The following ERBB4 variants were observed in gnomAD, a reference collection of about 807,000 sequenced individuals.
ERBB4 encodes the protein erb-b2 receptor tyrosine kinase 4, also known as receptor tyrosine-protein kinase erbB-4.
In ERBB4, 42 loss-of-function variants were observed where a neutral mutation model predicts 158.0. That is an observed-to-expected ratio of 0.27 (90% CI 0.21 to 0.34). ERBB4 has a LOEUF of 0.34. ERBB4 is among the 10% of genes least tolerant of loss of function. The pLI, the probability that ERBB4 is intolerant of heterozygous loss-of-function variation, is 1.00. For missense variants in ERBB4, 1,333 were observed against 1,624.1 expected, an observed-to-expected ratio of 0.82 and a Z score of 3.08; for synonymous variants, 583 against 558.7, an observed-to-expected ratio of 1.04 and a Z score of -0.61.
intron 2 of ERBB4, among the ~76,000 whole-genome samples, chr2:211,953,465 C>CAAAAAAAAAAAAAA (rs36024345): frequency 9.4e-5 from 8 of 85,536 alleles, no homozygotes; most frequent in East Asian, 3.4e-4. Flanking sequence ...GGTTTTTCTC[C>CAAAAAAAAAAAAAA]AAAAAAAAAA....
At chr2:211,484,568 T>C (rs2065159780) in intron 20 of ERBB4, among the ~76,000 whole-genome samples, 1 of 152,150 alleles carries the variant, frequency 6.6e-6, no homozygotes, top group African/African-American at 2.4e-5. Context: ...TGCATTAATA[T>C]GAGACAGAGT....
chr2:212,491,025 C>T (rs1690248809), intron 1 of ERBB4, among the ~76,000 whole-genome samples: 1 of 151,652 alleles, frequency 6.6e-6, no homozygotes, highest in Non-Finnish European at 1.5e-5. Context: ...GCTGTTATTA[C>T]TATCTTTCTC....
intron 12 of ERBB4, among the ~76,000 whole-genome samples, chr2:211,680,471 CA>C (rs1452196193): frequency 6.6e-6 from 1 of 152,004 alleles, no homozygotes; most frequent in Non-Finnish European, 1.5e-5. Context: ...CATTAGTTAC[CA>C]ACTTTACTTA....
chr2:212,531,893 T>A (rs1357265749), intron 1 of ERBB4, among the ~76,000 whole-genome samples: 1 of 152,132 alleles, frequency 6.6e-6, no homozygotes, highest in Non-Finnish European at 1.5e-5. Flanking sequence ...TTGCTTTATT[T>A]CTTTACTCCT....
Position 211,380,147 on chromosome 2 carries a change from T to C in ERBB4, c.*3468A>G, listed in dbSNP as rs2062550514. 4.3e-6 allele frequency: 1 copy of C among 231,956 alleles called. No homozygotes were observed. Among genetic ancestry groups the C allele is most frequent in the Non-Finnish European group, 8.5e-6 (1 of 117,364 alleles). 14.4% of individuals were successfully genotyped at this position (231,956 alleles called of 1,614,324 possible). A position where few individuals can be genotyped will look rare whatever the true frequency, so the allele number is the denominator to read the frequency against. On this transcript the variant is annotated 3_prime_UTR_variant, in exon 28 of 28. Transcript: ENST00000342788. ...TAATAGAAATTTGAGTTTTGCGTTG[T>C]TTTTCATGCTATTTTAAGAATGTTA...
At chr2:212,464,420 T>C (rs927275007) in intron 1 of ERBB4, among the ~76,000 whole-genome samples, 13 of 152,130 alleles carry the variant, frequency 8.5e-5, no homozygotes, top group Admixed American at 8.5e-4. Context: ...TGTTCATTAT[T>C]TTTGTTTTAT....
At chr2:211,825,334 C>T (rs921842324) in intron 3 of ERBB4, among the ~76,000 whole-genome samples, 8 of 151,682 alleles carry the variant, frequency 5.3e-5, no homozygotes, top group African/African-American at 1.7e-4. Flanking sequence ...CTTATAGGCC[C>T]TTATTATTTC....
intron 2 of ERBB4, among the ~76,000 whole-genome samples, chr2:211,971,423 C>A (rs771027422): frequency 6.6e-6 from 1 of 152,092 alleles, no homozygotes; most frequent in Non-Finnish European, 1.5e-5. Flanking sequence ...AAATATCCTA[C>A]AAGCAAAACA....
intron 1 of ERBB4, among the ~76,000 whole-genome samples, chr2:212,247,651 A>C (rs1048452556): frequency 2.6e-5 from 4 of 152,196 alleles, no homozygotes; most frequent in Non-Finnish European, 4.4e-5. Context: ...TTAATATTTT[A>C]TCATAGTACT....
Position 211,977,858 on chromosome 2 carries a change from C to CAAA in ERBB4, c.235-30245_235-30243dup, listed in dbSNP as rs34095237. Reference sequence around the variant, plus strand: ...CGGGCAACAGAGCGAAACTCCGTCTCAAAAAAAAAAAAAAAGCAACTTGAA... The same window carrying CAAA: ...CGGGCAACAGAGCGAAACTCCGTCTCAAAAAAAAAAAAAAAAAAGCAACTTGAA... On this transcript the variant is annotated intron_variant, in intron 2 of 27. Coordinates refer to ENST00000342788, the MANE Select transcript of ERBB4 (RefSeq NM_005235.3). Among the ~76,000 whole-genome samples the CAAA allele has an allele frequency of 4.3e-3, 470 of 109,982 alleles. 8 individuals carry two copies. Among genetic ancestry groups the CAAA allele is most frequent in the African/African-American group, 5.9e-3 (149 of 25,326 alleles). 72.2% of individuals were successfully genotyped at this position (109,982 alleles called of 152,430 possible). A position where few individuals can be genotyped will look rare whatever the true frequency, so the allele number is the denominator to read the frequency against.
chr2:212,466,419 G>A (rs1208809061), intron 1 of ERBB4, among the ~76,000 whole-genome samples: 3 of 152,190 alleles, frequency 2.0e-5, no homozygotes, highest in Non-Finnish European at 4.4e-5. Flanking sequence ...CCATGTTGTG[G>A]AAGGGACCTG....
intron 1 of ERBB4, among the ~76,000 whole-genome samples, chr2:212,249,655 C>G (rs559306679): frequency 2.0e-5 from 3 of 152,054 alleles, no homozygotes; most frequent in South Asian, 2.1e-4. Flanking sequence ...CTGCTGCCCC[C>G]ACCTGGGCAT....
rs557462133 is a variant in ERBB4 at position 212,050,911 on chromosome 2, T to C, written c.234+73841A>G. ...TCCACCTCCAGAAAATGGGTATTTC[T>C]GCCGTATGAACAACTAGAGAAGGTA... is the stretch of plus-strand genomic sequence containing the variant. On this transcript the variant is annotated intron_variant, in intron 2 of 27. Coordinates refer to ENST00000342788, the MANE Select transcript of ERBB4 (RefSeq NM_005235.3). 6.6e-5 allele frequency among the ~76,000 whole-genome samples: 10 copies of C among 152,340 alleles called. 1 individual carries two copies. The highest frequency in any genetic ancestry group is 3.3e-4 in the Admixed American group (5 of 15,292).
chr2:212,242,316 G>A (rs1261982446), intron 1 of ERBB4, among the ~76,000 whole-genome samples: 1 of 151,834 alleles, frequency 6.6e-6, no homozygotes, highest in Non-Finnish European at 1.5e-5. Context: ...AAATATCTTA[G>A]TAACATTTTA....
At chr2:212,324,233 G>A (rs973371724) in intron 1 of ERBB4, among the ~76,000 whole-genome samples, 1 of 150,460 alleles carries the variant, frequency 6.6e-6, no homozygotes, top group African/African-American at 2.4e-5. Flanking sequence ...CTCTAGAAAA[G>A]TAACCCGTAT....
chr2:212,133,730 T>C lies in ERBB4; in HGVS notation c.83-8827A>G, dbSNP rs1346023755. Among the ~76,000 whole-genome samples the C allele has an allele frequency of 2.6e-5, 4 of 151,776 alleles. No individual in the cohort carries two copies. The East Asian group carries it at 7.7e-4, about 29-fold the overall frequency. On this transcript the variant is annotated intron_variant, in intron 1 of 27. Coordinates refer to ENST00000342788, the MANE Select transcript of ERBB4 (RefSeq NM_005235.3). ...CTGAAATCCCAACATTTTTGGAGAC[T>C]GAGGCCAGAGGATTGCTTCAGGTCA... is the stretch of plus-strand genomic sequence containing the variant.
At chr2:212,332,573 TTAATA>T (rs1170855937) in intron 1 of ERBB4, among the ~76,000 whole-genome samples, 9 of 152,210 alleles carry the variant, frequency 5.9e-5, no homozygotes, top group African/African-American at 1.2e-4. Flanking sequence ...CTATAATTAA[TTAATA>T]TAAGTAATGC....
chr2:212,364,053 G>A (rs147751024), intron 1 of ERBB4, among the ~76,000 whole-genome samples: 2,369 of 151,808 alleles, frequency 0.016, 25 homozygotes, highest in South Asian at 0.064. Context: ...TTAGTTAACT[G>A]AAGAATGTTT....
intron 13 of ERBB4, among the ~76,000 whole-genome samples, chr2:211,678,023 G>A (rs7565327): frequency 0.45 from 68,851 of 151,742 alleles, 16,469 homozygotes; most frequent in African/African-American, 0.55. Flanking sequence ...AGTATGTTAT[G>A]ATAAAGTGAT....
Sources: gnomAD v4.1 joint callset for allele counts (sites outside exome capture counted in the v4.1 genomes callset) on GRCh38, gnomAD v4.1.1 for gene constraint, MANE v1.5 for transcripts, NCBI Gene and HGNC (gene_info 2026-07-23, HGNC 2026-07-21) for gene names.